BRD10: variants seen among roughly 807,000 people sequenced by gnomAD.
BRD10 encodes the protein uncharacterized bromodomain-containing protein 10.
the BRD10 span, among the ~76,000 whole-genome samples, chr9:5,925,346 G>A: frequency 3.7e-5 from 5 of 133,766 alleles, no homozygotes; most frequent in South Asian, 5.1e-4. Context: ...GCGACAGAGC[G>A]AGACTCCATC....
the BRD10 span, among the ~76,000 whole-genome samples, chr9:5,960,353 G>C: frequency 6.6e-6 from 1 of 152,142 alleles, no homozygotes; most frequent in African/African-American, 2.4e-5. Flanking sequence ...CCTGAGGTCA[G>C]GAGTTCGAGA....
the BRD10 span, among the ~76,000 whole-genome samples, chr9:5,994,514 T>G: frequency 1.3e-5 from 2 of 152,266 alleles, no homozygotes; most frequent in Non-Finnish European, 2.9e-5. Context: ...AGTCATTACC[T>G]TATTCCCCCT....
At chr9:5,956,804 G>A in the BRD10 span, among the ~76,000 whole-genome samples, 1 of 152,070 alleles carries the variant, frequency 6.6e-6, no homozygotes, top group African/African-American at 2.4e-5. Context: ...TACTGTAATT[G>A]TCTGTTCTTA....
the BRD10 span, among the ~76,000 whole-genome samples, chr9:5,940,806 A>G: frequency 6.6e-6 from 1 of 152,204 alleles, no homozygotes; most frequent in East Asian, 1.9e-4. Context: ...TGATTATAAA[A>G]TTTAGAAATA....
chr9:5,967,583 G>C, the BRD10 span, among the ~76,000 whole-genome samples: 6 of 150,472 alleles, frequency 4.0e-5, no homozygotes, highest in African/African-American at 1.5e-4. Flanking sequence ...GACCCAGGAA[G>C]ATAATCTGAC....
chr9:5,922,101 C>A, the BRD10 span: 2 of 1,613,978 alleles, frequency 1.2e-6, no homozygotes, highest in Non-Finnish European at 1.7e-6. Flanking sequence ...GAATTTTGAT[C>A]TGGGTTGGTC....
the BRD10 span, among the ~76,000 whole-genome samples, chr9:5,930,121 G>GTTTT: frequency 6.8e-6 from 1 of 146,278 alleles, no homozygotes; most frequent in Admixed American, 6.8e-5. Context: ...ATCATGTTGG[G>GTTTT]TTTTTTTTTT....
chr9:5,928,977 A>G, the BRD10 span: 83 of 807,152 alleles, frequency 1.0e-4, no homozygotes, highest in South Asian at 9.7e-4. Context: ...TGATTCCAGG[A>G]CATCATCCAA....
At chr9:5,950,000 A>G in the BRD10 span, among the ~76,000 whole-genome samples, 4 of 152,338 alleles carry the variant, frequency 2.6e-5, no homozygotes, top group African/African-American at 9.6e-5. Flanking sequence ...CCAATATTCT[A>G]TAATTATCAC....
the BRD10 span, chr9:5,920,469 A>C: frequency 1.1e-5 from 18 of 1,614,026 alleles, no homozygotes; most frequent in Non-Finnish European, 1.4e-5. Flanking sequence ...CCTGGAGCAG[A>C]ACTGTAACTG....
At chr9:5,995,531 T>C in the BRD10 span, among the ~76,000 whole-genome samples, 2 of 152,220 alleles carry the variant, frequency 1.3e-5, no homozygotes, top group Non-Finnish European at 2.9e-5. Context: ...ACATCTAAAC[T>C]GCTGATCCAA....
chr9:5,987,450 C>A, the BRD10 span, among the ~76,000 whole-genome samples: 1 of 152,178 alleles, frequency 6.6e-6, no homozygotes, highest in East Asian at 1.9e-4. Flanking sequence ...TAATCTTTAC[C>A]CCTTTCCATA....
At chr9:5,881,821 C>T in the BRD10 span, 1 of 152,126 alleles carries the variant, frequency 6.6e-6, no homozygotes, top group Non-Finnish European at 1.5e-5. Context: ...GATGGTGCTA[C>T]TTCCTAGGAA....
At chr9:5,995,379 C>T in the BRD10 span, among the ~76,000 whole-genome samples, 1 of 152,188 alleles carries the variant, frequency 6.6e-6, no homozygotes, top group East Asian at 1.9e-4. Context: ...GAAAAATGTG[C>T]CTCCAATCCT....
At chr9:5,881,582 G>C in the BRD10 span, 3 of 152,196 alleles carry the variant, frequency 2.0e-5, no homozygotes, top group Non-Finnish European at 4.4e-5. Flanking sequence ...TCTGCCTCTG[G>C]AACACCGTGC....
chr9:6,008,148 A>AC, the BRD10 span: 1 of 972,506 alleles, frequency 1.0e-6, no homozygotes, highest in African/African-American at 1.8e-5. Flanking sequence ...TCGGCGCCCC[A>AC]CCCCCTCCCG....
At chr9:5,938,619 T>C in the BRD10 span, among the ~76,000 whole-genome samples, 2 of 152,128 alleles carry the variant, frequency 1.3e-5, no homozygotes, top group African/African-American at 4.8e-5. Context: ...AGAAAATAGT[T>C]ACCTAATAAA....
At chr9:5,880,368 C>T in the BRD10 span, among the ~76,000 whole-genome samples, 9 of 151,836 alleles carry the variant, frequency 5.9e-5, no homozygotes, top group Admixed American at 1.3e-4. Context: ...AAAAATTAGC[C>T]GGGCGTCATG....
At chr9:5,897,282 G>T in the BRD10 span, among the ~76,000 whole-genome samples, 1 of 152,178 alleles carries the variant, frequency 6.6e-6, no homozygotes, top group Non-Finnish European at 1.5e-5. Context: ...AGTTACTATG[G>T]CACTTCTCAT....
Sources: gnomAD v4.1 joint callset for allele counts (sites outside exome capture counted in the v4.1 genomes callset) on GRCh38, gnomAD v4.1.1 for gene constraint, MANE v1.5 for transcripts, NCBI Gene and HGNC (gene_info 2026-07-23, HGNC 2026-07-21) for gene names.